The following ASPH variants were observed in gnomAD, a reference collection of about 807,000 sequenced individuals.
ASPH encodes aspartyl/asparaginyl beta-hydroxylase.
A neutral mutation model predicts 118.4 loss-of-function variants in ASPH; 100 were observed. The observed-to-expected ratio is 0.84, with a 90% CI of 0.72 to 1.00. The LOEUF is 1.00. ASPH is among the 50% of genes least tolerant of loss of function. The pLI, the probability that ASPH is intolerant of heterozygous loss-of-function variation, is 0.00. For missense variants in ASPH, 920 were observed against 919.5 expected, an observed-to-expected ratio of 1.00 and a Z score of -0.01; for synonymous variants, 315 against 325.6, an observed-to-expected ratio of 0.97 and a Z score of 0.35.
Position 61,555,923 on chromosome 8 carries a change from C to T in ASPH, c.1536+1G>A. Reference sequence around the variant, plus strand: ...AGGAGAGGAGAAGCAGTGAGCATTACCTTTAAATATGGGATGCTCTCAGCA... The same window carrying T: ...AGGAGAGGAGAAGCAGTGAGCATTATCTTTAAATATGGGATGCTCTCAGCA... On this transcript the variant is annotated splice_donor_variant, in intron 19 of 24. Transcript: ENST00000379454. LOFTEE classifies it high-confidence loss of function. 6.2e-7 allele frequency: 1 copy of T among 1,613,294 alleles called. No individual in the cohort carries two copies. Among genetic ancestry groups the T allele is most frequent in the Non-Finnish European group, 8.5e-7 (1 of 1,179,448 alleles).
intron 24 of ASPH, among the ~76,000 whole-genome samples, chr8:61,514,051 G>A (rs897986288): frequency 9.9e-5 from 15 of 152,010 alleles, no homozygotes; most frequent in Non-Finnish European, 1.0e-4. Flanking sequence ...GTGCAGTGGC[G>A]CAGTCATGGC....
intron 1 of ASPH, among the ~76,000 whole-genome samples, chr8:61,710,591 G>A (rs557816691): frequency 6.6e-6 from 1 of 152,168 alleles, no homozygotes; most frequent in African/African-American, 2.4e-5. Context: ...TTAGTGCTTG[G>A]TTTCATATGA....
intron 16 of ASPH, among the ~76,000 whole-genome samples, chr8:61,573,407 C>A (rs1834059109): frequency 6.6e-6 from 1 of 152,190 alleles, no homozygotes; most frequent in African/African-American, 2.4e-5. Context: ...ATAGCCAAGA[C>A]AATCCTAAGC....
rs974663981 is a variant in ASPH, at chr8:61,518,017, C to T, written c.1992+15G>A. 29 of 1,601,500 alleles carry T rather than the reference C, an allele frequency of 1.8e-5. No homozygotes were observed. The East Asian group carries it at 4.5e-4, about 25-fold the overall frequency. ...ACAATTAATTGTATTCTCCCCAGCA[C>T]GACACTCTTGGTACCTGTCCTCTTC... On this transcript the variant is annotated intron_variant, in intron 23 of 24. Coordinates refer to ENST00000379454, the MANE Select transcript of ASPH (RefSeq NM_004318.4).
At chr8:61,536,630 G>A (rs1020012277) in intron 21 of ASPH, among the ~76,000 whole-genome samples, 14 of 152,200 alleles carry the variant, frequency 9.2e-5, no homozygotes, top group Admixed American at 4.6e-4. Context: ...TTGGGCTTAC[G>A]TTGGAACTGT....
rs139624338 is a variant in ASPH at position 61,693,095 on chromosome 8, C to A, written c.104-8907G>T. On this transcript the variant is annotated intron_variant, in intron 1 of 24. Transcript: ENST00000379454. ...ACCTCCAGTGACTTTCCCACTCCCA[C>A]CCCATGCTCAGGGAAGTCTTCTACA... is the stretch of plus-strand genomic sequence containing the variant. Among the ~76,000 whole-genome samples the A allele has an allele frequency of 5.5e-3, 839 of 152,284 alleles. 9 individuals carry two copies. Among genetic ancestry groups the A allele is most frequent in the African/African-American group, 0.019 (788 of 41,530 alleles).
At chr8:61,508,410 C>T (rs538276579) in intron 24 of ASPH, among the ~76,000 whole-genome samples, 265 of 152,186 alleles carry the variant, frequency 1.7e-3, no homozygotes, top group African/African-American at 6.2e-3. Context: ...AACAGTATTC[C>T]ATAATCTGTC....
At chr8:61,520,856 C>T (rs900525693) in intron 22 of ASPH, among the ~76,000 whole-genome samples, 1 of 152,208 alleles carries the variant, frequency 6.6e-6, no homozygotes, top group Non-Finnish European at 1.5e-5. Context: ...TGTGCCTTAC[C>T]TGAATGACAG....
chr8:61,676,959 AAATTTT>A (rs1189915678), intron 3 of ASPH, among the ~76,000 whole-genome samples: 1 of 152,144 alleles, frequency 6.6e-6, no homozygotes, highest in Admixed American at 6.6e-5. Context: ...TTTAACACTT[AAATTTT>A]AACACTATTA....
chr8:61,668,048 G>T (rs1298868764), intron 3 of ASPH, among the ~76,000 whole-genome samples: 5 of 151,988 alleles, frequency 3.3e-5, no homozygotes, highest in Non-Finnish European at 7.4e-5. Context: ...AAAATTATAG[G>T]CTTGAAGCAG....
chr8:61,539,705 T>TGTGTGTGTGTGTGTGTGA (rs1821107305), intron 21 of ASPH, among the ~76,000 whole-genome samples: 1 of 64,890 alleles, frequency 1.5e-5, no homozygotes, highest in Admixed American at 1.6e-4. Context: ...CTGGGGTGTG[T>TGTGTGTGTGTGTGTGTGA]GTGTGTGTGT....
At chr8:61,610,682 AT>A (rs1190192595) in intron 14 of ASPH, among the ~76,000 whole-genome samples, 2 of 152,200 alleles carry the variant, frequency 1.3e-5, no homozygotes, top group Admixed American at 6.5e-5. Context: ...TTATTATGCT[AT>A]TGCTACATTG....
chr8:61,528,455 C>G (rs1254385079), intron 21 of ASPH, among the ~76,000 whole-genome samples: 1 of 152,204 alleles, frequency 6.6e-6, no homozygotes, highest in African/African-American at 2.4e-5. Flanking sequence ...GGAAGAATTG[C>G]TCCTCTAACA....
Position 61,636,238 on chromosome 8 carries a change from G to C in ASPH, c.889+1709C>G, listed in dbSNP as rs117101863. ...AGAACAGAATCAAGATGTCTAGCTA[G>C]CAGACTACTGCTATTATCTAGGAAG... On this transcript the variant is annotated intron_variant, in intron 12 of 24. Transcript: ENST00000379454. Among the ~76,000 whole-genome samples, 255 of 152,282 alleles carry C rather than the reference G, an allele frequency of 1.7e-3. 1 individual carries two copies. The highest frequency in any genetic ancestry group is 3.1e-3 in the Non-Finnish European group (208 of 68,014).
chr8:61,527,833 G>GCTTGTTGGTGCTAGGTGGT (rs1816028154), intron 21 of ASPH, among the ~76,000 whole-genome samples: 1 of 152,190 alleles, frequency 6.6e-6, no homozygotes, highest in Admixed American at 6.5e-5. Context: ...TGGTTGGTTG[G>GCTTGTTGGTGCTAGGTGGT]CTTGTTGGTG....
At chr8:61,652,313 T>A (rs1450800585) in intron 4 of ASPH, among the ~76,000 whole-genome samples, 2 of 152,312 alleles carry the variant, frequency 1.3e-5, no homozygotes, top group South Asian at 4.1e-4. Flanking sequence ...TTAATGGCTA[T>A]CTTTGCCCAA....
In ASPH at chr8:61,708,242, A is replaced by G. The variant is rs73682349; in HGVS notation, c.103+6027T>C. On this transcript the variant is annotated intron_variant, in intron 1 of 24. Transcript: ENST00000379454. ...CAATACACAGAAATATTTTTATTAT[A>G]AAGGTTAGAGAACTAGCTCTCTGCC... Among the ~76,000 whole-genome samples, 961 of 152,332 alleles carry G rather than the reference A, an allele frequency of 6.3e-3. 14 individuals are homozygous for G. Among genetic ancestry groups the G allele is most frequent in the African/African-American group, 0.022 (904 of 41,564 alleles).
rs183218155 is a variant in ASPH, at chr8:61,539,247, T to C, written c.1764+8824A>G. On this transcript the variant is annotated intron_variant, in intron 21 of 24. Transcript: ENST00000379454. Reference sequence around the variant, plus strand: ...CAGAGTGAGACTCCATCTCAAAATATATATATATTTAAAATTATAGTTTTT... The same window carrying C: ...CAGAGTGAGACTCCATCTCAAAATACATATATATTTAAAATTATAGTTTTT... Among the ~76,000 whole-genome samples, 35 of 152,132 alleles carry C rather than the reference T, an allele frequency of 2.3e-4. No individual in the cohort carries two copies. The East Asian group carries it at 5.0e-3, about 22-fold the overall frequency.
At chr8:61,667,428 A>T (rs1820227962) in intron 3 of ASPH, among the ~76,000 whole-genome samples, 1 of 152,058 alleles carries the variant, frequency 6.6e-6, no homozygotes, top group Non-Finnish European at 1.5e-5. Context: ...GTGCAATGGC[A>T]CAATCTCAGC....
Sources: gnomAD v4.1 joint callset for allele counts (sites outside exome capture counted in the v4.1 genomes callset) on GRCh38, gnomAD v4.1.1 for gene constraint, MANE v1.5 for transcripts, NCBI Gene and HGNC (gene_info 2026-07-23, HGNC 2026-07-21) for gene names.